Variants in PDZRN4 observed in about 807,000 individuals in gnomAD.
PDZRN4 encodes the protein PDZ domain-containing RING finger protein 4.
Under a neutral mutation model 99.0 loss-of-function variants are expected in PDZRN4, and 70 were observed. That is an observed-to-expected ratio of 0.71 (90% CI 0.58 to 0.86). PDZRN4 has a LOEUF of 0.86. PDZRN4 is among the 40% of genes least tolerant of loss of function. PDZRN4 has a pLI of 0.00. For missense variants in PDZRN4, 1,474 were observed against 1,331.2 expected (o/e 1.11, Z -1.67); for synonymous variants, 551 against 501.6 (o/e 1.10, Z -1.32).
At chr12:41,229,792 A>G (rs1454599724) in intron 3 of PDZRN4, among the ~76,000 whole-genome samples, 1 of 152,066 alleles carries the variant, frequency 6.6e-6, no homozygotes, top group Non-Finnish European at 1.5e-5. Context: ...CTCTACCTTC[A>G]GAGTCCAAGG....
intron 3 of PDZRN4, among the ~76,000 whole-genome samples, chr12:41,474,476 G>A (rs898552816): frequency 6.6e-6 from 1 of 152,156 alleles, no homozygotes; most frequent in African/African-American, 2.4e-5. Context: ...GCTAAATGAA[G>A]TACCCAGGGG....
intron 3 of PDZRN4, chr12:41,411,974 C>G (rs1164940704): frequency 6.6e-6 from 1 of 152,150 alleles, no homozygotes; most frequent in Non-Finnish European, 1.5e-5. Context: ...CCGGTGTCTG[C>G]TATACATTTA....
At chr12:41,323,824 T>C (rs1012409459) in intron 3 of PDZRN4, among the ~76,000 whole-genome samples, 2 of 152,008 alleles carry the variant, frequency 1.3e-5, no homozygotes, top group Non-Finnish European at 2.9e-5. Flanking sequence ...ATAAAATTTC[T>C]TGTAGAGATG....
intron 3 of PDZRN4, among the ~76,000 whole-genome samples, chr12:41,372,217 A>AGT (rs1173530136): frequency 1.3e-5 from 2 of 152,178 alleles, no homozygotes; most frequent in African/African-American, 2.4e-5. Context: ...AGAAAATTAC[A>AGT]GTGTGGCCCA....
In PDZRN4 at chr12:41,573,101, C is replaced by A; in HGVS notation, c.2322C>A (p.Ser774Arg). 1 of 1,614,152 alleles carries A rather than the reference C, an allele frequency of 6.2e-7. No individual in the cohort carries two copies. Among genetic ancestry groups the A allele is most frequent in the Non-Finnish European group, 8.5e-7 (1 of 1,180,008 alleles). The change falls in exon 10 of 10, where the codon AGC (serine) becomes AGA (arginine). Residue 774 changes from serine to arginine, a missense_variant. Ser to Arg is a moderately radical substitution (Grantham distance 110). Coordinates refer to ENST00000402685, the MANE Select transcript of PDZRN4 (RefSeq NM_001164595.2). ...TCACCAATAAGAAAAACCTGAGAAG[C>A]ACAATGGCAGCCACCCAGTCCTCTT... ...INLTNKKNLRSTMAATQSSSG... is the reference protein window; with the variant it reads ...INLTNKKNLRRTMAATQSSSG...
chr12:41,268,215 G>T (rs1453353280), intron 3 of PDZRN4, among the ~76,000 whole-genome samples: 1 of 152,136 alleles, frequency 6.6e-6, no homozygotes, highest in Non-Finnish European at 1.5e-5. Context: ...GGTCCAAGTA[G>T]TGTTGTGTCA....
At chr12:41,533,366 G>C (rs1009195781) in intron 5 of PDZRN4, among the ~76,000 whole-genome samples, 3 of 151,740 alleles carry the variant, frequency 2.0e-5, no homozygotes, top group African/African-American at 4.8e-5. Flanking sequence ...GTAGAAACAG[G>C]GTTTCACCAT....
chr12:41,218,452 C>G (rs1045388391), intron 3 of PDZRN4, among the ~76,000 whole-genome samples: 2 of 152,066 alleles, frequency 1.3e-5, no homozygotes, highest in Admixed American at 1.3e-4. Flanking sequence ...TCTGCTATAG[C>G]AAATTTACTT....
At chr12:41,252,799 G>C (rs1208324626) in intron 3 of PDZRN4, among the ~76,000 whole-genome samples, 1 of 152,106 alleles carries the variant, frequency 6.6e-6, no homozygotes, top group African/African-American at 2.4e-5. Flanking sequence ...CTGAGACTAG[G>C]GAGTAAGTAG....
intron 3 of PDZRN4, among the ~76,000 whole-genome samples, chr12:41,441,080 G>A (rs1250402767): frequency 6.6e-6 from 1 of 152,028 alleles, no homozygotes; most frequent in Admixed American, 6.6e-5. Context: ...GATTGATTAC[G>A]TGATGGTGAT....
At chr12:41,486,686 A>T (rs1287744939) in intron 3 of PDZRN4, among the ~76,000 whole-genome samples, 1 of 152,132 alleles carries the variant, frequency 6.6e-6, no homozygotes, top group African/African-American at 2.4e-5. Flanking sequence ...AGAAAAAAAA[A>T]TCAGAGTAAG....
intron 3 of PDZRN4, among the ~76,000 whole-genome samples, chr12:41,271,901 T>C (rs566371213): frequency 7.2e-5 from 11 of 152,222 alleles, no homozygotes; most frequent in Non-Finnish European, 1.3e-4. Flanking sequence ...AAACACATGC[T>C]GCCAGGCCTG....
chr12:41,460,398 C>T (rs952678974), intron 3 of PDZRN4, among the ~76,000 whole-genome samples: 1 of 152,116 alleles, frequency 6.6e-6, no homozygotes, highest in Non-Finnish European at 1.5e-5. Context: ...AGAAGCATTT[C>T]CTGAACGAAA....
chr12:41,429,683 A>C (rs1952569312), intron 3 of PDZRN4, among the ~76,000 whole-genome samples: 1 of 151,976 alleles, frequency 6.6e-6, no homozygotes, highest in African/African-American at 2.4e-5. Flanking sequence ...CCATGCAGAG[A>C]GGATATATTA....
intron 3 of PDZRN4, among the ~76,000 whole-genome samples, chr12:41,485,070 C>G (rs1937748378): frequency 1.3e-5 from 2 of 152,150 alleles, no homozygotes; most frequent in African/African-American, 4.8e-5. Context: ...ACCCAGGTTT[C>G]TGAGTACCAG....
Position 41,572,312 on chromosome 12 carries a change from A to G in PDZRN4, c.1585-52A>G, listed in dbSNP as rs374497454. 394 of 1,465,726 alleles carry G rather than the reference A, an allele frequency of 2.7e-4. 4 individuals carry two copies. In the South Asian group the frequency reaches 4.7e-3, roughly 18 times the overall value. 90.8% of individuals were successfully genotyped at this position (1,465,726 alleles called of 1,614,324 possible). On this transcript the variant is annotated intron_variant, in intron 9 of 9. Transcript: ENST00000402685. ...TTTCAAACAAGATTTTTAATAACAAATGTCTTCCAAAATCATTAATTTTCT... is the reference window on the plus strand; with the variant it reads ...TTTCAAACAAGATTTTTAATAACAAGTGTCTTCCAAAATCATTAATTTTCT...
intron 3 of PDZRN4, among the ~76,000 whole-genome samples, chr12:41,196,395 G>T (rs1950773222): frequency 6.6e-6 from 1 of 152,034 alleles, no homozygotes; most frequent in Non-Finnish European, 1.5e-5. Flanking sequence ...ATGTATATAT[G>T]CTATAGTTGT....
intron 7 of PDZRN4, among the ~76,000 whole-genome samples, chr12:41,561,563 T>G (rs1318840004): frequency 7.1e-6 from 1 of 140,222 alleles, no homozygotes; most frequent in African/African-American, 2.8e-5. Flanking sequence ...TGAGGAAATA[T>G]ATATTTTTTA....
At chr12:41,483,253 A>T (rs1003937430) in intron 3 of PDZRN4, among the ~76,000 whole-genome samples, 4 of 152,172 alleles carry the variant, frequency 2.6e-5, no homozygotes, top group Non-Finnish European at 5.9e-5. Flanking sequence ...AGGTTATCAA[A>T]AAGTAGCAAT....
Sources: gnomAD v4.1 joint callset for allele counts (sites outside exome capture counted in the v4.1 genomes callset) on GRCh38, gnomAD v4.1.1 for gene constraint, MANE v1.5 for transcripts, NCBI Gene and HGNC (gene_info 2026-07-23, HGNC 2026-07-21) for gene names.